AKAP13: variants seen among roughly 807,000 people sequenced by gnomAD.
The protein encoded by AKAP13 is A-kinase anchor protein 13.
AKAP13 carries 80 observed loss-of-function variants against 264.5 expected under a neutral mutation model. The observed-to-expected ratio is 0.30, with a 90% confidence interval of 0.25 to 0.36. The LOEUF is 0.36. Ranked by LOEUF, AKAP13 falls within the 10% of genes least tolerant of loss-of-function variation. The pLI is 1.00. For synonymous variants in AKAP13, 1,380 were observed against 1,250.2 expected, an observed-to-expected ratio of 1.10 and a Z score of -2.19; for missense variants, 3,712 against 3,435.2, an observed-to-expected ratio of 1.08 and a Z score of -2.01.
intron 8 of AKAP13, among the ~76,000 whole-genome samples, chr15:85,609,421 A>G (rs2080500661): frequency 2.0e-5 from 3 of 152,204 alleles, no homozygotes; most frequent in Admixed American, 1.3e-4. Context: ...CTCTAGGCTC[A>G]TCCATCTTGC....
intron 5 of AKAP13, among the ~76,000 whole-genome samples, chr15:85,565,766 G>C (rs1436449785): frequency 2.0e-5 from 3 of 152,228 alleles, no homozygotes; most frequent in South Asian, 2.1e-4. Flanking sequence ...AGTGGACAGA[G>C]AGAGAGCAGG....
In AKAP13 at chr15:85,521,709, T is replaced by G. The variant is rs2076829842; in HGVS notation, c.181+134T>G. 3 of 987,834 alleles carry G rather than the reference T, an allele frequency of 3.0e-6. No homozygotes were observed. The East Asian group carries it at 8.7e-5, about 29-fold the overall frequency. 61.2% of individuals were successfully genotyped at this position (987,834 alleles called of 1,614,324 possible). A position where few individuals can be genotyped will look rare whatever the true frequency, so the allele number is the denominator to read the frequency against. On this transcript the variant is annotated intron_variant, in intron 3 of 36. Coordinates refer to ENST00000394518, the MANE Select transcript of AKAP13 (RefSeq NM_007200.5). Reference sequence around the variant, plus strand: ...AAAATTTATTAGTTTATAAAGCAGTTTGAATATCTGGTCCTGCTGGTATTG... The same window carrying G: ...AAAATTTATTAGTTTATAAAGCAGTGTGAATATCTGGTCCTGCTGGTATTG...
chr15:85,465,283 A>G (rs1278469172), intron 1 of AKAP13, among the ~76,000 whole-genome samples: 2 of 151,966 alleles, frequency 1.3e-5, no homozygotes, highest in African/African-American at 2.4e-5. Context: ...CTTGCTGTAT[A>G]TATCTGTTCT....
chr15:85,581,105 G>A lies in AKAP13; in HGVS notation c.3037G>A (p.Ala1013Thr). The stretch of plus-strand genomic sequence containing the variant: ...AGTCTCACTGCTGACTCAAGGTGGG[G>A]CTGCCCAGAGCCTGGTGCCACCAGG... ...PQVSLLTQGGAAQSLVPPGAS... is the reference protein window; with the variant it reads ...PQVSLLTQGGTAQSLVPPGAS... The change falls in exon 7 of 37, where the codon GCT becomes ACT. Residue 1013 changes from alanine to threonine, a missense_variant. Ala to Thr is a moderately conservative substitution (Grantham distance 58). Transcript: ENST00000394518. 2 of 1,613,958 alleles carry A rather than the reference G, an allele frequency of 1.2e-6. No homozygotes were observed.
intron 1 of AKAP13, among the ~76,000 whole-genome samples, chr15:85,443,822 A>G (rs191932877): frequency 2.5e-4 from 38 of 150,260 alleles, no homozygotes; most frequent in Admixed American, 5.3e-4. Flanking sequence ...CTGGAGCCTG[A>G]TTTTTCCTTC....
chr15:85,397,133 A>G (rs1488159536), intron 1 of AKAP13, among the ~76,000 whole-genome samples: 1 of 150,594 alleles, frequency 6.6e-6, no homozygotes, highest in East Asian at 2.0e-4. Flanking sequence ...ACCTCCATAA[A>G]TCTTGTATTT....
intron 17 of AKAP13, among the ~76,000 whole-genome samples, chr15:85,704,543 T>C (rs996933682): frequency 2.0e-5 from 3 of 152,208 alleles, no homozygotes; most frequent in Non-Finnish European, 2.9e-5. Flanking sequence ...TGCCTCCTTG[T>C]AGCAAAGAAA....
intron 4 of AKAP13, chr15:85,534,324 G>C (rs113812996): frequency 6.0e-5 from 11 of 182,342 alleles, no homozygotes; most frequent in African/African-American, 1.9e-4. Flanking sequence ...ATGAGAACAG[G>C]GTGTGCTCTG....
At chr15:85,740,917 T>G in intron 34 of AKAP13, 129 bp from the exon 35 acceptor site, 1 of 1,436,430 alleles carries the variant, frequency 7.0e-7, no homozygotes, top group South Asian at 1.5e-5. Context: ...TGAGACGGGC[T>G]TGAAAAATGA....
chr15:85,441,038 C>T (rs2073627629), intron 1 of AKAP13, among the ~76,000 whole-genome samples: 1 of 152,172 alleles, frequency 6.6e-6, no homozygotes, highest in African/African-American at 2.4e-5. Flanking sequence ...CATTTCTGTT[C>T]ACTTGAGGTC....
At chr15:85,426,358 GT>G (rs1476330296) in intron 1 of AKAP13, among the ~76,000 whole-genome samples, 1 of 152,184 alleles carries the variant, frequency 6.6e-6, no homozygotes, top group Non-Finnish European at 1.5e-5. Flanking sequence ...AGCCTTTACT[GT>G]TTAGTGGGCT....
chr15:85,507,271 C>CT (rs2076256216), intron 2 of AKAP13, among the ~76,000 whole-genome samples: 1 of 151,826 alleles, frequency 6.6e-6, no homozygotes, highest in Admixed American at 6.6e-5. Flanking sequence ...GGTTGGCAAG[C>CT]TACAGCCTGT....
intron 1 of AKAP13, among the ~76,000 whole-genome samples, chr15:85,408,555 A>G (rs2071789640): frequency 6.6e-6 from 1 of 151,776 alleles, no homozygotes; most frequent in Non-Finnish European, 1.5e-5. Context: ...TCTGGGTACT[A>G]TATGTAAATG....
At chr15:85,647,577 T>A (rs1337237959) in intron 10 of AKAP13, among the ~76,000 whole-genome samples, 1 of 152,134 alleles carries the variant, frequency 6.6e-6, no homozygotes, top group Admixed American at 6.5e-5. Context: ...AAGACTTATT[T>A]AATATGATGC....
chr15:85,505,666 T>A (rs1207821402), intron 2 of AKAP13, among the ~76,000 whole-genome samples: 1 of 152,212 alleles, frequency 6.6e-6, no homozygotes, highest in East Asian at 1.9e-4. Context: ...TTTCTATTCG[T>A]GTTGCATGAG....
intron 2 of AKAP13, chr15:85,520,692 T>C (rs775416565): frequency 7.7e-6 from 4 of 518,878 alleles, no homozygotes; most frequent in Non-Finnish European, 1.5e-5. Flanking sequence ...CAGCCTCCTA[T>C]TGAAATAGGT....
At chr15:85,679,669 A>G (rs765652532) in intron 14 of AKAP13, among the ~76,000 whole-genome samples, 1 of 152,218 alleles carries the variant, frequency 6.6e-6, no homozygotes, top group African/African-American at 2.4e-5. Flanking sequence ...AAAAATATCA[A>G]CTGTGTCCAT....
intron 10 of AKAP13, among the ~76,000 whole-genome samples, chr15:85,650,591 A>G (rs2082758728): frequency 6.6e-6 from 1 of 151,208 alleles, no homozygotes; most frequent in African/African-American, 2.4e-5. Flanking sequence ...CCCCATCTCT[A>G]TTAAAAATAC....
intron 1 of AKAP13, among the ~76,000 whole-genome samples, chr15:85,396,901 CT>C (rs34499592): frequency 0.2 from 22,921 of 114,518 alleles, 2,293 homozygotes; most frequent in Admixed American, 0.31. Context: ...GTATGTTAGA[CT>C]TTTTTTTTTT....
Sources: gnomAD v4.1 joint callset for allele counts (sites outside exome capture counted in the v4.1 genomes callset) on GRCh38, gnomAD v4.1.1 for gene constraint, MANE v1.5 for transcripts, NCBI Gene and HGNC (gene_info 2026-07-23, HGNC 2026-07-21) for gene names.